The following CSMD1 variants were observed in gnomAD, a reference collection of about 807,000 sequenced individuals.
The protein encoded by CSMD1 is CUB and Sushi multiple domains 1, also known as CUB and sushi domain-containing protein 1.
Under a neutral mutation model 417.5 loss-of-function variants are expected in CSMD1, and 213 were observed. The ratio of observed to expected loss-of-function variants is 0.51; its 90% CI spans 0.46 to 0.57. The LOEUF (loss-of-function observed/expected upper bound fraction) is 0.57, where lower values mean the gene tolerates loss of function less well. Among genes scored for constraint, CSMD1 ranks in the 20% least tolerant of loss-of-function variants. CSMD1 has a pLI of 0.00. For synonymous variants in CSMD1, 2,862 were observed against 1,736.8 expected, an observed-to-expected ratio of 1.65 and a Z score of -16.11; for missense variants, 6,923 against 4,529.7, an observed-to-expected ratio of 1.53 and a Z score of -15.17.
rs188009460 is a variant in CSMD1 at position 3,343,651 on chromosome 8, G to A, written c.3475-201C>T. On this transcript the variant is annotated intron_variant, in intron 22 of 69. Transcript: ENST00000635120. Reference sequence around the variant, plus strand: ...TTTTATCTTTACCATTAACACTGGAGGCAAAAGATTCCATTCTTGTTCAGA... The same window carrying A: ...TTTTATCTTTACCATTAACACTGGAAGCAAAAGATTCCATTCTTGTTCAGA... Among the ~76,000 whole-genome samples, 497 of 152,236 alleles carry A rather than the reference G, an allele frequency of 3.3e-3. 2 individuals are homozygous for A. The highest frequency in any genetic ancestry group is 5.9e-3 in the Non-Finnish European group (402 of 68,000).
At chr8:4,730,143 T>C (rs1300396917) in intron 1 of CSMD1, among the ~76,000 whole-genome samples, 1 of 151,984 alleles carries the variant, frequency 6.6e-6, no homozygotes. Context: ...CTTGGAGAGA[T>C]TCCCAGAATG....
intron 5 of CSMD1, among the ~76,000 whole-genome samples, chr8:3,877,315 C>T (rs1324251763): frequency 2.6e-5 from 4 of 152,160 alleles, no homozygotes; most frequent in Non-Finnish European, 4.4e-5. Flanking sequence ...GGGAGCCCTC[C>T]AGGTGTCCAG....
At chr8:4,063,007 G>A (rs553007156) in intron 3 of CSMD1, among the ~76,000 whole-genome samples, 6 of 152,202 alleles carry the variant, frequency 3.9e-5, no homozygotes, top group Admixed American at 2.6e-4. Flanking sequence ...CTTATTAAGA[G>A]ATACTGTTAG....
chr8:4,603,523 G>A (rs1800704851), intron 2 of CSMD1, among the ~76,000 whole-genome samples: 1 of 151,950 alleles, frequency 6.6e-6, no homozygotes, highest in African/African-American at 2.4e-5. Flanking sequence ...GATAAGCAGT[G>A]GGTAAAATAA....
rs535522216 is a variant in CSMD1 at position 4,869,191 on chromosome 8, C to T, written c.85+125141G>A. ...TAAATATGGCAATAATAATTTTGTA[C>T]ACCTGCTATAATTTAGAACTGTATT... On this transcript the variant is annotated intron_variant, in intron 1 of 69. Coordinates refer to ENST00000635120, the MANE Select transcript of CSMD1 (RefSeq NM_033225.6). Among the ~76,000 whole-genome samples the T allele has an allele frequency of 1.0e-3, 157 of 151,908 alleles. 1 individual carries two copies. Among genetic ancestry groups the T allele is most frequent in the Middle Eastern group, 3.4e-3 (1 of 294 alleles).
chr8:4,295,750 G>GTGTATATATATA (rs1175477762), intron 3 of CSMD1, among the ~76,000 whole-genome samples: 2 of 34,238 alleles, frequency 5.8e-5, no homozygotes, highest in South Asian at 2.6e-3. Context: ...ATGTGTGTGT[G>GTGTATATATATA]TATATATATA....
intron 1 of CSMD1, among the ~76,000 whole-genome samples, chr8:4,687,287 C>G (rs202113797): frequency 6.6e-6 from 1 of 152,274 alleles, no homozygotes; most frequent in Non-Finnish European, 1.5e-5. Context: ...AGGAGCCTTA[C>G]TGAGGACAGA....
chr8:3,897,007 G>A (rs548055094), intron 5 of CSMD1, among the ~76,000 whole-genome samples: 31 of 151,074 alleles, frequency 2.1e-4, no homozygotes, highest in Non-Finnish European at 3.7e-4. Flanking sequence ...CATTTCTCTT[G>A]AGCAACTTAC....
intron 8 of CSMD1, among the ~76,000 whole-genome samples, chr8:3,615,384 C>A (rs1802084697): frequency 6.6e-6 from 1 of 152,142 alleles, no homozygotes; most frequent in Admixed American, 6.6e-5. Context: ...TTCCTCTACT[C>A]CCCTCCTCCA....
intron 47 of CSMD1, among the ~76,000 whole-genome samples, chr8:3,094,370 G>C (rs1341874969): frequency 6.6e-6 from 1 of 152,166 alleles, no homozygotes; most frequent in Non-Finnish European, 1.5e-5. Flanking sequence ...CTCCTAAAGT[G>C]CTGGGATTAC....
chr8:3,718,934 C>T (rs928993314), intron 6 of CSMD1, among the ~76,000 whole-genome samples: 3 of 152,040 alleles, frequency 2.0e-5, no homozygotes, highest in Non-Finnish European at 2.9e-5. Context: ...CTTTTCCCTC[C>T]AAACAGAGGG....
chr8:4,438,197 C>G (rs1010330525), intron 2 of CSMD1, among the ~76,000 whole-genome samples: 1 of 152,114 alleles, frequency 6.6e-6, no homozygotes, highest in African/African-American at 2.4e-5. Context: ...ACATTGAGAT[C>G]GATCTGCAAG....
intron 1 of CSMD1, among the ~76,000 whole-genome samples, chr8:4,758,957 C>T (rs1437413736): frequency 6.6e-6 from 1 of 152,044 alleles, no homozygotes; most frequent in African/African-American, 2.4e-5. Context: ...GGAGGGTTTG[C>T]CTGTTGCACA....
chr8:3,100,675 A>C (rs1815672929), intron 46 of CSMD1, among the ~76,000 whole-genome samples: 1 of 152,186 alleles, frequency 6.6e-6, no homozygotes, highest in African/African-American at 2.4e-5. Context: ...TTAGTGCCCC[A>C]GATTGTTTTT....
At chr8:4,722,914 C>G (rs549497242) in intron 1 of CSMD1, among the ~76,000 whole-genome samples, 2 of 152,244 alleles carry the variant, frequency 1.3e-5, no homozygotes, top group East Asian at 1.9e-4. Context: ...CTGCTATTTT[C>G]TATATCCAGC....
chr8:3,353,382 C>T (rs1024886608), intron 21 of CSMD1, among the ~76,000 whole-genome samples: 4 of 152,222 alleles, frequency 2.6e-5, no homozygotes, highest in African/African-American at 9.6e-5. Flanking sequence ...ACTACCCCTA[C>T]CTTTCTGACC....
rs562335741 is a variant in CSMD1, at chr8:3,452,321, C to G, written c.1561+16391G>C. Among the ~76,000 whole-genome samples, 10 of 152,276 alleles carry G rather than the reference C, an allele frequency of 6.6e-5. No homozygotes were observed. The South Asian group carries it at 2.1e-3, about 32-fold the overall frequency. The stretch of plus-strand genomic sequence containing the variant: ...AATACCCTTTATTTCCTTCTCCTGC[C>G]TGATTGCCCTGGCCAGAACATCCAA... On this transcript the variant is annotated intron_variant, in intron 12 of 69. Transcript: ENST00000635120.
intron 41 of CSMD1, among the ~76,000 whole-genome samples, chr8:3,123,705 T>C (rs1197139887): frequency 6.6e-6 from 1 of 152,190 alleles, no homozygotes; most frequent in Non-Finnish European, 1.5e-5. Context: ...GAAGATTTCA[T>C]CCACGAATTA....
At chr8:4,644,031 A>G (rs1447274307) in intron 1 of CSMD1, among the ~76,000 whole-genome samples, 1 of 152,212 alleles carries the variant, frequency 6.6e-6, no homozygotes. Flanking sequence ...ACATGAGCAA[A>G]GAAGAAAAGT....
Sources: gnomAD v4.1 joint callset for allele counts (sites outside exome capture counted in the v4.1 genomes callset) on GRCh38, gnomAD v4.1.1 for gene constraint, MANE v1.5 for transcripts, NCBI Gene and HGNC (gene_info 2026-07-23, HGNC 2026-07-21) for gene names.